Variants in CNTNAP5 observed in about 807,000 individuals in gnomAD.
CNTNAP5 encodes contactin associated protein family member 5.
A neutral mutation model predicts 150.2 loss-of-function variants in CNTNAP5; 72 were observed. That is an observed-to-expected ratio of 0.48 (90% CI 0.40 to 0.58). CNTNAP5 has a LOEUF of 0.58. Among genes scored for constraint, CNTNAP5 ranks in the 20% least tolerant of loss-of-function variants. CNTNAP5 has a pLI of 0.00. For synonymous variants in CNTNAP5, 672 were observed against 619.8 expected, an observed-to-expected ratio of 1.08 and a Z score of -1.25; for missense variants, 1,636 against 1,626.2, an observed-to-expected ratio of 1.01 and a Z score of -0.10.
intron 3 of CNTNAP5, among the ~76,000 whole-genome samples, chr2:124,247,685 C>CA (rs1339998834): frequency 6.6e-6 from 1 of 151,524 alleles, no homozygotes; most frequent in Non-Finnish European, 1.5e-5. Flanking sequence ...ATTAAGGACA[C>CA]AAAAAAATAA....
At chr2:124,215,712 CAAA>C (rs397985759) in intron 1 of CNTNAP5, among the ~76,000 whole-genome samples, 17,548 of 81,952 alleles carry the variant, frequency 0.21, 1,044 homozygotes, top group East Asian at 0.41. Context: ...AGAAGAAAGG[CAAA>C]AAAAAAAAAA....
intron 11 of CNTNAP5, among the ~76,000 whole-genome samples, chr2:124,600,226 G>C (rs1181971130): frequency 1.3e-5 from 2 of 151,700 alleles, no homozygotes; most frequent in African/African-American, 4.8e-5. Context: ...GGCTCTGTAA[G>C]CCAGCAGCAA....
In CNTNAP5 at chr2:124,802,890, C is replaced by T. The variant is rs570296441; in HGVS notation, c.3217+4570C>T. Among the ~76,000 whole-genome samples the T allele has an allele frequency of 8.6e-5, 13 of 151,994 alleles. No individual in the cohort carries two copies. In the East Asian group the frequency reaches 1.6e-3, roughly 18 times the overall value. ...CTGTAATCCCAGCACTTTGGGAGGC[C>T]GAGGCTGGCAGATCACGAGGTCAGG... On this transcript the variant is annotated intron_variant, in intron 19 of 23. Coordinates refer to ENST00000682447, the MANE Select transcript of CNTNAP5 (RefSeq NM_001367498.1).
chr2:124,808,357 G>A (rs1182173950), intron 19 of CNTNAP5, among the ~76,000 whole-genome samples: 1 of 152,088 alleles, frequency 6.6e-6, no homozygotes, highest in Non-Finnish European at 1.5e-5. Flanking sequence ...TGTAATCTCA[G>A]TACTTCAGGA....
intron 3 of CNTNAP5, among the ~76,000 whole-genome samples, chr2:124,294,438 G>A (rs1529296): frequency 1.3e-4 from 20 of 152,120 alleles, no homozygotes; most frequent in African/African-American, 4.1e-4. Flanking sequence ...CTTAAAAGAT[G>A]ATATGTGGTC....
rs560662529 is a variant in CNTNAP5, at chr2:124,178,415, C to T, written c.83-43290C>T. Among the ~76,000 whole-genome samples, 3 of 152,328 alleles carry T rather than the reference C, an allele frequency of 2.0e-5. No homozygotes were observed. The East Asian group carries it at 5.8e-4, about 29-fold the overall frequency. ...ACCTTATCCAAGTTCTTAATATTATCATTCAGTTTCTAGGACTACAAGCTA... is the reference window on the plus strand; with the variant it reads ...ACCTTATCCAAGTTCTTAATATTATTATTCAGTTTCTAGGACTACAAGCTA... On this transcript the variant is annotated intron_variant, in intron 1 of 23. Coordinates refer to ENST00000682447, the MANE Select transcript of CNTNAP5 (RefSeq NM_001367498.1).
intron 21 of CNTNAP5, among the ~76,000 whole-genome samples, chr2:124,896,013 T>C (rs1159388382): frequency 6.6e-6 from 1 of 151,570 alleles, no homozygotes; most frequent in East Asian, 1.9e-4. Context: ...CATCGTGATG[T>C]GTGGCAACCG....
At chr2:124,055,513 A>T (rs1180476844) in intron 1 of CNTNAP5, among the ~76,000 whole-genome samples, 1 of 152,122 alleles carries the variant, frequency 6.6e-6, no homozygotes, top group Non-Finnish European at 1.5e-5. Flanking sequence ...CACATCTTTC[A>T]TGAATACTCC....
chr2:124,468,177 A>G (rs770719509), intron 6 of CNTNAP5, among the ~76,000 whole-genome samples: 1 of 152,136 alleles, frequency 6.6e-6, no homozygotes, highest in Non-Finnish European at 1.5e-5. Flanking sequence ...GGATACATGT[A>G]TATATTAAAG....
At chr2:124,588,510 G>GT (rs1251687482) in intron 11 of CNTNAP5, among the ~76,000 whole-genome samples, 1 of 151,844 alleles carries the variant, frequency 6.6e-6, no homozygotes, top group African/African-American at 2.4e-5. Context: ...AAGCCTTGCC[G>GT]TATCTTTACA....
intron 3 of CNTNAP5, among the ~76,000 whole-genome samples, chr2:124,394,209 T>C: frequency 6.6e-6 from 1 of 151,714 alleles, no homozygotes; most frequent in Non-Finnish European, 1.5e-5. Context: ...CCATCTCTAC[T>C]AAAAATACAA....
intron 1 of CNTNAP5, among the ~76,000 whole-genome samples, chr2:124,157,428 C>T (rs1439712071): frequency 6.6e-6 from 1 of 150,998 alleles, no homozygotes; most frequent in African/African-American, 2.4e-5. Context: ...AGACAAGAAA[C>T]TGAAAGGCAA....
chr2:124,679,658 T>C (rs1679021296), intron 13 of CNTNAP5, among the ~76,000 whole-genome samples: 1 of 151,482 alleles, frequency 6.6e-6, no homozygotes, highest in Non-Finnish European at 1.5e-5. Flanking sequence ...AGCCTCCGGC[T>C]CCCTGGCTCA....
intron 1 of CNTNAP5, among the ~76,000 whole-genome samples, chr2:124,128,304 C>T (rs1006689494): frequency 7.2e-5 from 11 of 151,942 alleles, no homozygotes; most frequent in African/African-American, 1.5e-4. Context: ...AACAGACACA[C>T]GAAAAAATGC....
chr2:124,469,306 G>T (rs1490160252), intron 6 of CNTNAP5, among the ~76,000 whole-genome samples: 1 of 152,116 alleles, frequency 6.6e-6, no homozygotes, highest in Non-Finnish European at 1.5e-5. Context: ...CTATTTAAAA[G>T]ACAGCAGCTT....
intron 21 of CNTNAP5, among the ~76,000 whole-genome samples, chr2:124,897,800 A>G (rs979744491): frequency 2.6e-5 from 4 of 151,516 alleles, no homozygotes; most frequent in Non-Finnish European, 4.4e-5. Flanking sequence ...CAATTACTTG[A>G]CCTTATGTGT....
chr2:124,682,821 C>T (rs1397659869), intron 13 of CNTNAP5, among the ~76,000 whole-genome samples: 3 of 152,154 alleles, frequency 2.0e-5, no homozygotes, highest in Non-Finnish European at 4.4e-5. Context: ...TTGAATGAAT[C>T]GTGCCACCTT....
rs753080754 is a variant in CNTNAP5 at position 124,221,695 on chromosome 2, A to C, written c.83-10A>C. The C allele has an allele frequency of 6.4e-7, 1 of 1,569,470 alleles. No individual in the cohort carries two copies. Among genetic ancestry groups the C allele is most frequent in the Admixed American group, 1.7e-5 (1 of 59,142 alleles). ...CTGGTCTCTCTCCCTCTGTCCTCCT[A>C]TCATTATAGACAACTGTGATGATCC... On this transcript the variant is annotated splice_polypyrimidine_tract_variant and intron_variant, in intron 1 of 23. Coordinates refer to ENST00000682447, the MANE Select transcript of CNTNAP5 (RefSeq NM_001367498.1).
At chr2:124,538,007 A>T (rs1022679654) in intron 10 of CNTNAP5, among the ~76,000 whole-genome samples, 3 of 152,200 alleles carry the variant, frequency 2.0e-5, no homozygotes, top group Non-Finnish European at 2.9e-5. Flanking sequence ...TTGATGCTGA[A>T]AACGAAGCCA....
Sources: gnomAD v4.1 joint callset for allele counts (sites outside exome capture counted in the v4.1 genomes callset) on GRCh38, gnomAD v4.1.1 for gene constraint, MANE v1.5 for transcripts, NCBI Gene and HGNC (gene_info 2026-07-23, HGNC 2026-07-21) for gene names.